The following SP3 variants were observed in gnomAD, a reference collection of about 807,000 sequenced individuals.
SP3 encodes the protein Sp3 transcription factor.
A neutral mutation model predicts 70.3 loss-of-function variants in SP3; 10 were observed. The observed-to-expected ratio is 0.14, with a 90% CI of 0.09 to 0.24. The LOEUF (loss-of-function observed/expected upper bound fraction) is 0.24. SP3 is among the 10% of genes least tolerant of loss of function. The pLI, the probability that SP3 is intolerant of heterozygous loss-of-function variation, is 1.00. For missense variants in SP3, 825 were observed against 914.6 expected (o/e 0.90, Z 1.26); for synonymous variants, 402 against 333.5 (o/e 1.21, Z -2.24).
At chr2:173,956,320 A>C in intron 3 of SP3, 88 bp from the exon 4 acceptor site, 3 of 1,374,232 alleles carry the variant, frequency 2.2e-6, no homozygotes, top group Non-Finnish European at 2.9e-6. Context: ...AAATCCTACT[A>C]CCTGAAAATT....
rs774576572 is a variant in SP3 at position 173,918,761 on chromosome 2, G to T, written c.1664C>A (p.Pro555His). ...ACTGAGCTGCCACTCTTCAGGATCA[G>T]GTTCTTCTTCCTTGATCCTAATATC... ...PADIRIKEEE[P>H]DPEEWQLSGD... The change falls in exon 5 of 7, where the codon CCT becomes CAT. Residue 555 changes from proline to histidine, a missense_variant. Pro to His is a moderately conservative substitution (Grantham distance 77). Coordinates refer to ENST00000310015, the MANE Select transcript of SP3 (RefSeq NM_003111.5). 1 of 1,612,048 alleles carries T rather than the reference G, an allele frequency of 6.2e-7. No individual in the cohort carries two copies. Among genetic ancestry groups the T allele is most frequent in the South Asian group, 1.1e-5 (1 of 90,718 alleles).
At chr2:173,914,150 TTA>T (rs1689565522) in intron 5 of SP3, 1 of 130,828 alleles carries the variant, frequency 7.6e-6, no homozygotes, top group South Asian at 2.4e-4. Flanking sequence ...ACAGAAAATG[TTA>T]TTTCTCAACC....
intron 4 of SP3, among the ~76,000 whole-genome samples, chr2:173,927,574 G>A (rs1461640319): frequency 2.0e-5 from 3 of 151,998 alleles, no homozygotes; most frequent in South Asian, 2.1e-4. Context: ...CACCCCACCC[G>A]ACCTATATCA....
At chr2:173,956,446 T>C (rs757323616) in intron 3 of SP3, among the ~76,000 whole-genome samples, 2 of 152,046 alleles carry the variant, frequency 1.3e-5, no homozygotes, top group African/African-American at 2.4e-5. Flanking sequence ...TTGAGTGGGA[T>C]AAAAAAAATT....
intron 3 of SP3, among the ~76,000 whole-genome samples, chr2:173,957,821 G>A (rs1485132137): frequency 6.6e-6 from 1 of 152,074 alleles, no homozygotes; most frequent in Non-Finnish European, 1.5e-5. Context: ...AAATCTCTAG[G>A]CCTGAACTAT....
At chr2:173,962,095 C>T (rs1042703717) in intron 3 of SP3, among the ~76,000 whole-genome samples, 1 of 151,964 alleles carries the variant, frequency 6.6e-6, no homozygotes, top group African/African-American at 2.4e-5. Context: ...TTTGGTAATT[C>T]AGAAAAGCAG....
Position 173,901,695 on chromosome 2 carries a change from C to CTTTTTTT in SP3, c.*8239_*8245dup, listed in dbSNP as rs34329180. 9.3e-5 allele frequency among the ~76,000 whole-genome samples: 7 copies of CTTTTTTT among 74,954 alleles called. No individual in the cohort carries two copies. Among genetic ancestry groups the CTTTTTTT allele is most frequent in the Admixed American group, 3.4e-4 (2 of 5,888 alleles). 49.2% of individuals were successfully genotyped at this position (74,954 alleles called of 152,430 possible). On this transcript the variant is annotated 3_prime_UTR_variant, in exon 7 of 7. Transcript: ENST00000310015. ...GGGAAACAGTTAGTTGGACTTAAGC[C>CTTTTTTT]TTTTTTTTTTTTTTTTTTTTTTTTG...
rs1691261391 is a variant in SP3, at chr2:173,965,350, C to T, written c.-179G>A. On this transcript the variant is annotated 5_prime_UTR_variant, in exon 1 of 7. Coordinates refer to ENST00000310015, the MANE Select transcript of SP3 (RefSeq NM_003111.5). ...GAAACACAAAAGGTGGAGCCTCCAG[C>T]CCAAAAGGGGGGAAGAGGGTGACAG... 5.8e-6 allele frequency: 4 copies of T among 694,448 alleles called. No homozygotes were observed. Among genetic ancestry groups the T allele is most frequent in the Non-Finnish European group, 9.6e-6 (4 of 416,144 alleles). 43.0% of individuals were successfully genotyped at this position (694,448 alleles called of 1,614,324 possible). A position where few individuals can be genotyped will look rare whatever the true frequency, so the allele number is the denominator to read the frequency against.
intron 2 of SP3, 53 bp downstream of exon 2, chr2:173,964,352 G>C: frequency 1.5e-6 from 1 of 657,576 alleles, no homozygotes; most frequent in Non-Finnish European, 2.7e-6. Context: ...GAGGCGAGGG[G>C]AGGAGAAAGC....
intron 4 of SP3, among the ~76,000 whole-genome samples, chr2:173,938,644 T>C (rs181897351): frequency 1.3e-5 from 2 of 150,440 alleles, no homozygotes; most frequent in South Asian, 4.2e-4. Context: ...AAGAAATACA[T>C]GTTAGCTATA....
intron 3 of SP3, among the ~76,000 whole-genome samples, chr2:173,960,793 A>C (rs536107517): frequency 6.6e-6 from 1 of 151,278 alleles, no homozygotes; most frequent in African/African-American, 2.4e-5. Context: ...ACACGGTGAA[A>C]CCCTGTCTCC....
chr2:173,964,677 C>T, intron 1 of SP3, 124 bp from the exon 2 acceptor site: 1 of 423,266 alleles, frequency 2.4e-6, no homozygotes. Context: ...CCTCCCCCAC[C>T]CGCCCCCCGG....
intron 4 of SP3, among the ~76,000 whole-genome samples, chr2:173,923,322 G>T (rs188904830): frequency 1.6e-3 from 240 of 151,928 alleles, no homozygotes; most frequent in Non-Finnish European, 2.8e-3. Flanking sequence ...ACCTGGGCAA[G>T]AATTGAAGAG....
At position 173,902,339 on chromosome 2, in the gene SP3, G is replaced by A. The variant is rs536308080; in HGVS notation, c.*7602C>T. Among the ~76,000 whole-genome samples the A allele has an allele frequency of 3.3e-5, 5 of 152,222 alleles. No homozygotes were observed. The highest frequency in any genetic ancestry group is 2.1e-4 in the South Asian group (1 of 4,832). On this transcript the variant is annotated 3_prime_UTR_variant, in exon 7 of 7. Coordinates refer to ENST00000310015, the MANE Select transcript of SP3 (RefSeq NM_003111.5). ...ATATCTGCCAAGGCAGGATTGGGAG[G>A]GTATGGAAAAAATGTGAACTCCTAT...
rs182552235 is a variant in SP3 at position 173,904,843 on chromosome 2, T to C, written c.*5098A>G. Among the ~76,000 whole-genome samples the C allele has an allele frequency of 8.6e-3, 1,303 of 152,280 alleles. 34 individuals are homozygous for C. The highest frequency in any genetic ancestry group is 0.041 in the Admixed American group (627 of 15,284). ...TGTCGATTAATCGGAGGCTTAGACTTTTTTTTGTGGGGGAAGGATGGAGGG... is the reference window on the plus strand; with the variant it reads ...TGTCGATTAATCGGAGGCTTAGACTCTTTTTTGTGGGGGAAGGATGGAGGG... On this transcript the variant is annotated 3_prime_UTR_variant, in exon 7 of 7. Coordinates refer to ENST00000310015, the MANE Select transcript of SP3 (RefSeq NM_003111.5).
At chr2:173,963,062 T>C (rs1691137343) in intron 3 of SP3, 1 of 152,222 alleles carries the variant, frequency 6.6e-6, no homozygotes, top group South Asian at 2.1e-4. Context: ...GTAAATACAA[T>C]TCCTTACACA....
chr2:173,912,834 C>G (rs1689525543), intron 6 of SP3, among the ~76,000 whole-genome samples: 1 of 152,146 alleles, frequency 6.6e-6, no homozygotes, highest in Non-Finnish European at 1.5e-5. Flanking sequence ...TCAATAATGT[C>G]AACAAAAGCC....
chr2:173,920,660 G>A (rs553155238), intron 4 of SP3, among the ~76,000 whole-genome samples: 3 of 151,312 alleles, frequency 2.0e-5, no homozygotes, highest in East Asian at 1.9e-4. Flanking sequence ...GCGTGACCTC[G>A]GCTCACTGCA....
chr2:173,944,561 G>T (rs553862167), intron 4 of SP3, among the ~76,000 whole-genome samples: 13 of 152,090 alleles, frequency 8.5e-5, no homozygotes, highest in Non-Finnish European at 1.8e-4. Context: ...TTGTCCCCAA[G>T]AACCACTAAA....
Sources: gnomAD v4.1 joint callset for allele counts (sites outside exome capture counted in the v4.1 genomes callset) on GRCh38, gnomAD v4.1.1 for gene constraint, MANE v1.5 for transcripts, NCBI Gene and HGNC (gene_info 2026-07-23, HGNC 2026-07-21) for gene names.